The following OGG1 variants were observed in gnomAD, a reference collection of about 807,000 sequenced individuals.
The protein encoded by OGG1 is N-glycosylase/DNA lyase.
In OGG1, 35 loss-of-function variants were observed where a neutral mutation model predicts 42.3. That is an observed-to-expected ratio of 0.83 (90% CI 0.63 to 1.10). The LOEUF is 1.10. Ranked by LOEUF, OGG1 falls within the 50% of genes least tolerant of loss-of-function variation. The probability of loss-of-function intolerance (pLI) is 0.00; values close to 1 mark genes in which losing one functional copy is unlikely to be tolerated. For synonymous variants in OGG1, 189 were observed against 179.0 expected (o/e 1.06, Z -0.44); for missense variants, 484 against 446.7 (o/e 1.08, Z -0.75).
downstream of OGG1, chr3:9,759,456 G>A (rs2077741381): frequency 6.2e-7 from 1 of 1,613,880 alleles, no homozygotes; most frequent in South Asian, 1.1e-5. Flanking sequence ...GTCCTGGGGA[G>A]GCTGGGACCA....
At chr3:9,759,945 C>T (rs2077770480), downstream of OGG1, 3 of 775,782 alleles carry the variant, frequency 3.9e-6, no homozygotes, top group East Asian at 2.8e-5. Context: ...TCCTTTCTCT[C>T]TTAAGAAAAA....
chr3:9,756,321 G>A (rs2077557304), intron 4 of OGG1, 150 bp from the exon 5 acceptor site: 1 of 761,554 alleles, frequency 1.3e-6, no homozygotes, highest in Admixed American at 2.2e-5. Context: ...CAAAAAAAAA[G>A]TGTATTCATA....
chr3:9,787,784 G>A lies in OGG1; in HGVS notation c.*53G>A, dbSNP rs1344649302. 3 of 1,142,978 alleles carry A rather than the reference G, an allele frequency of 2.6e-6. No individual in the cohort carries two copies. In the East Asian group the frequency reaches 1.7e-4, roughly 66 times the overall value. The allele number at this position is 1,142,978 out of a possible 1,614,324, so 70.8% of individuals were successfully genotyped here. A position where few individuals can be genotyped will look rare whatever the true frequency, so the allele number is the denominator to read the frequency against. On this transcript the variant is annotated 3_prime_UTR_variant, in exon 4 of 4. Transcript: ENST00000426518. ...GAAAGAGAGAGATCAAAGTGTTGTG[G>A]CAGCACAAAGGAGAGACTGACTAAC...
chr3:9,750,713 C>T, intron 1 of OGG1: 1 of 693,420 alleles, frequency 1.4e-6, no homozygotes, highest in East Asian at 2.7e-5. Context: ...CCATTCCAGC[C>T]TCGACCCCCC....
intron 4 of OGG1, among the ~76,000 whole-genome samples, chr3:9,755,293 C>G (rs968440929): frequency 6.6e-6 from 1 of 152,030 alleles, no homozygotes; most frequent in African/African-American, 2.4e-5. Context: ...TAAACTCTTG[C>G]CCTCAAGCAG....
downstream of OGG1, chr3:9,757,656 G>T: frequency 6.2e-7 from 1 of 1,614,060 alleles, no homozygotes; most frequent in Non-Finnish European, 8.5e-7. This position sits in a 1 kb window ranked among gnomAD's most constrained non-coding sequence, Gnocchi z 4.5. Context: ...TGGCCGCAGG[G>T]GCAGGCCCTC....
At chr3:9,752,230 TG>T (rs996248237) in intron 3 of OGG1, 24 of 502,184 alleles carry the variant, frequency 4.8e-5, no homozygotes, top group Non-Finnish European at 8.0e-5. Flanking sequence ...GCATGCATTC[TG>T]GGGACAGACC....
chr3:9,780,631 AC>A, intron 2 of OGG1: 1 of 1,425,470 alleles, frequency 7.0e-7, no homozygotes, highest in Non-Finnish European at 9.4e-7. Flanking sequence ...GAGCCTACCC[AC>A]CAGCCCAGGC....
intron 2 of OGG1, among the ~76,000 whole-genome samples, chr3:9,776,393 T>C (rs866479487): frequency 1.5e-3 from 212 of 144,634 alleles, no homozygotes; most frequent in African/African-American, 4.4e-3. Context: ...CTTTTCTTTT[T>C]TTTTTTTTTT....
At chr3:9,768,996 C>T (rs930593020), downstream of OGG1, among the ~76,000 whole-genome samples, 7 of 152,010 alleles carry the variant, frequency 4.6e-5, no homozygotes, top group Non-Finnish European at 7.4e-5. Flanking sequence ...GCAGACATGC[C>T]ACACCAAGCC....
intron 2 of OGG1, among the ~76,000 whole-genome samples, chr3:9,777,969 G>C (rs1294788518): frequency 6.6e-6 from 1 of 152,200 alleles, no homozygotes; most frequent in Non-Finnish European, 1.5e-5. Flanking sequence ...GGGCCCCAGT[G>C]AGTTGTAATG....
At chr3:9,786,576 ATCT>A (rs2078617767) in intron 3 of OGG1, among the ~76,000 whole-genome samples, 1 of 152,144 alleles carries the variant, frequency 6.6e-6, no homozygotes, top group African/African-American at 2.4e-5. Flanking sequence ...CTGAGCCTCA[ATCT>A]TCTTATCTGT....
At position 9,751,865 on chromosome 3, in the gene OGG1, C is replaced by T. The variant is rs753378765; in HGVS notation, c.481C>T (p.Arg161Trp). 1.2e-4 allele frequency: 195 copies of T among 1,614,056 alleles called. No individual in the cohort carries two copies. Among genetic ancestry groups the T allele is most frequent in the South Asian group, 3.3e-5 (3 of 91,088 alleles). The change falls in exon 3 of 7, where the codon CGG becomes TGG. Residue 161 changes from arginine to tryptophan, a missense_variant. Arg to Trp is a moderately radical substitution (Grantham distance 101). Coordinates refer to ENST00000344629, the MANE Select transcript of OGG1 (RefSeq NM_002542.6). ...NIARITGMVERLCQAFGPRLI... is the reference protein window; with the variant it reads ...NIARITGMVEWLCQAFGPRLI... ...CGCCCGCATCACTGGCATGGTGGAG[C>T]GGCTGTGCCAGGCTTTTGGACCTCG...
intron 3 of OGG1, chr3:9,783,179 G>A (rs1455284986): frequency 2.0e-5 from 3 of 152,154 alleles, no homozygotes; most frequent in African/African-American, 7.2e-5. Context: ...GATTTTCTGT[G>A]TGTATCAAAT....
rs2077945972 is a variant in OGG1, at chr3:9,762,768, G to C, written c.1049-3041G>C. On this transcript the variant is annotated intron_variant, in intron 7 of 7. Transcript: ENST00000302008. ...AGTATCTGGACTAGAATGGGAGGAG[G>C]CAGTTTAAAGGTTACAAGATCCACT... is the stretch of plus-strand genomic sequence containing the variant. 3 of 697,234 alleles carry C rather than the reference G, an allele frequency of 4.3e-6. No homozygotes were observed. In the Admixed American group the frequency reaches 8.1e-5, roughly 19 times the overall value. 43.2% of individuals were successfully genotyped at this position (697,234 alleles called of 1,614,324 possible).
In OGG1 at chr3:9,786,386, G is replaced by C. The variant is rs111774766; in HGVS notation, c.383-1342G>C. On this transcript the variant is annotated intron_variant, in intron 3 of 3. Coordinates refer to the OGG1 transcript ENST00000426518. The stretch of plus-strand genomic sequence containing the variant: ...CCCTACCTTAGATAACCTGCAACAT[G>C]TACCCAGACTGTTCCATGAGATAAA... Among the ~76,000 whole-genome samples, 343 of 152,284 alleles carry C rather than the reference G, an allele frequency of 2.3e-3. 4 individuals carry two copies. Among genetic ancestry groups the C allele is most frequent in the Admixed American group, 0.011 (162 of 15,298 alleles).
intron 3 of OGG1, among the ~76,000 whole-genome samples, chr3:9,753,898 G>T (rs1169696044): frequency 6.6e-6 from 1 of 152,184 alleles, no homozygotes; most frequent in Non-Finnish European, 1.5e-5. Context: ...GCACTTTTGG[G>T]AGCCCAAGGT....
At chr3:9,764,488 T>G (rs1431337947) in intron 7 of OGG1, among the ~76,000 whole-genome samples, 1 of 152,014 alleles carries the variant, frequency 6.6e-6, no homozygotes, top group African/African-American at 2.4e-5. Context: ...AATTTTGTAT[T>G]TTTAGTAGAG....
At chr3:9,789,904 G>A (rs1190261012), downstream of OGG1, 3 of 1,613,662 alleles carry the variant, frequency 1.9e-6, no homozygotes, top group Non-Finnish European at 2.5e-6. Context: ...CAAGTTCATG[G>A]TCTCGACCCA....
Sources: gnomAD v4.1 joint callset for allele counts (sites outside exome capture counted in the v4.1 genomes callset) on GRCh38, gnomAD v4.1.1 for gene constraint, Gnocchi (gnomAD v3.1) non-coding constraint, MANE v1.5 for transcripts, NCBI Gene and HGNC (gene_info 2026-07-23, HGNC 2026-07-21) for gene names.